The following RGS18 variants were observed in gnomAD, a reference collection of about 807,000 sequenced individuals.
The protein encoded by RGS18 is regulator of G protein signaling 18, also known as regulator of G-protein signaling 18.
A neutral mutation model predicts 27.6 loss-of-function variants in RGS18; 22 were observed. That is an observed-to-expected ratio of 0.80 (90% confidence interval 0.57 to 1.14). RGS18 has a LOEUF of 1.14. Among genes scored for constraint, RGS18 ranks in the 50% most tolerant of loss-of-function variants. RGS18 has a pLI of 0.00. For synonymous variants in RGS18, 89 were observed against 84.6 expected (o/e 1.05, Z -0.29); for missense variants, 299 against 269.6 (o/e 1.11, Z -0.76).
intron 3 of RGS18, chr1:192,168,491 C>T (rs1241292931): frequency 6.6e-6 from 1 of 152,170 alleles, no homozygotes; most frequent in Non-Finnish European, 1.5e-5. Context: ...ACAAGACTAA[C>T]CATAGTAACA....
At chr1:192,172,523 C>T (rs1050679233) in intron 3 of RGS18, among the ~76,000 whole-genome samples, 1 of 151,866 alleles carries the variant, frequency 6.6e-6, no homozygotes, top group Non-Finnish European at 1.5e-5. Context: ...AACTACCCAG[C>T]CTCAGGTATT....
chr1:192,177,615 A>C (rs1261407711), intron 3 of RGS18, among the ~76,000 whole-genome samples: 2 of 151,756 alleles, frequency 1.3e-5, no homozygotes, highest in African/African-American at 4.8e-5. Context: ...TATATGAAGG[A>C]CACCCAACTC....
At chr1:192,182,175 CA>C (rs1441795651) in intron 4 of RGS18, among the ~76,000 whole-genome samples, 2 of 150,564 alleles carry the variant, frequency 1.3e-5, no homozygotes, top group Non-Finnish European at 3.0e-5. Flanking sequence ...ATCTCTTTAA[CA>C]TGCTGATTTC....
At chr1:192,174,791 A>G (rs1352804684) in intron 3 of RGS18, among the ~76,000 whole-genome samples, 1 of 151,800 alleles carries the variant, frequency 6.6e-6, no homozygotes, top group Non-Finnish European at 1.5e-5. Flanking sequence ...CTTTTCATTT[A>G]ATGTGTCTCT....
intron 4 of RGS18, among the ~76,000 whole-genome samples, chr1:192,183,630 T>C (rs989963043): frequency 5.3e-5 from 8 of 151,584 alleles, no homozygotes; most frequent in African/African-American, 1.9e-4. Context: ...ATTAGGCCAT[T>C]CTTGCACTGC....
intron 3 of RGS18, among the ~76,000 whole-genome samples, chr1:192,178,243 G>A (rs913638065): frequency 6.6e-6 from 1 of 151,544 alleles, no homozygotes; most frequent in Admixed American, 6.6e-5. Flanking sequence ...ATGTATGCAG[G>A]GAAGGTTTTG....
In RGS18 at chr1:192,184,387, T is replaced by C. The variant is rs888790755; in HGVS notation, c.541T>C (p.Tyr181His). 3 of 1,611,796 alleles carry C rather than the reference T, an allele frequency of 1.9e-6. No homozygotes were observed. Among genetic ancestry groups the C allele is most frequent in the East Asian group, 4.5e-5 (2 of 44,796 alleles). ...TTTTGATGCTGCACAAAGCAGAGTG[T>C]ATCAGCTCATGGAACAAGACAGTTA... The part of the protein sequence containing the change: ...HSFDAAQSRV[Y>H]QLMEQDSYTR... The change falls in exon 5 of 5, where the codon TAT becomes CAT. Residue 181 changes from tyrosine (Y) to histidine (H), a missense_variant. Transcript: ENST00000367460.
intron 3 of RGS18, chr1:192,163,167 A>C (rs1656103072): frequency 6.6e-6 from 1 of 152,208 alleles, no homozygotes; most frequent in South Asian, 2.1e-4. Context: ...ATTAAATGAG[A>C]TGATGAATAA....
intron 3 of RGS18, among the ~76,000 whole-genome samples, chr1:192,174,625 C>T (rs1656325903): frequency 6.6e-6 from 1 of 151,734 alleles, no homozygotes; most frequent in Non-Finnish European, 1.5e-5. Flanking sequence ...TTGTTATGTA[C>T]TAGTAATAAT....
At chr1:192,176,317 T>A (rs1254729847) in intron 3 of RGS18, among the ~76,000 whole-genome samples, 3 of 151,818 alleles carry the variant, frequency 2.0e-5, no homozygotes, top group African/African-American at 4.8e-5. Flanking sequence ...TACATCATAA[T>A]GCCCAAACTC....
At chr1:192,163,965 A>T (rs906900319) in intron 3 of RGS18, among the ~76,000 whole-genome samples, 3 of 151,772 alleles carry the variant, frequency 2.0e-5, no homozygotes, top group Non-Finnish European at 4.4e-5. Context: ...ATTTCCTTTT[A>T]TAAAATTTTA....
At chr1:192,172,552 A>G (rs1656278857) in intron 3 of RGS18, among the ~76,000 whole-genome samples, 1 of 151,880 alleles carries the variant, frequency 6.6e-6, no homozygotes, top group Non-Finnish European at 1.5e-5. Flanking sequence ...GCAACACAAA[A>G]CAGACTAAGA....
In RGS18 at chr1:192,164,278, G is replaced by A. The variant is rs537646532; in HGVS notation, c.283+3839G>A. Among the ~76,000 whole-genome samples the A allele has an allele frequency of 1.1e-3, 163 of 152,120 alleles. 1 individual carries two copies. Among genetic ancestry groups the A allele is most frequent in the African/African-American group, 2.5e-3 (102 of 41,506 alleles). On this transcript the variant is annotated intron_variant, in intron 3 of 4. Transcript: ENST00000367460. ...CAAAGAATCAGTATAGGAATGGGGC[G>A]TTAAACAATATAATTTAGTTAGGGA... is the stretch of plus-strand genomic sequence containing the variant.
rs1410545332 is a variant in RGS18 at position 192,184,611 on chromosome 1, C to T, written c.*57C>T. Reference sequence around the variant, plus strand: ...ACTTATACATCTGCTTCTAACATATCGCATGTTTATGTTAAGATTTGGTCC... The same window carrying T: ...ACTTATACATCTGCTTCTAACATATTGCATGTTTATGTTAAGATTTGGTCC... On this transcript the variant is annotated 3_prime_UTR_variant, in exon 5 of 5. Coordinates refer to ENST00000367460, the MANE Select transcript of RGS18 (RefSeq NM_130782.3). 1.4e-5 allele frequency: 20 copies of T among 1,472,824 alleles called. No individual in the cohort carries two copies. Among genetic ancestry groups the T allele is most frequent in the South Asian group, 4.8e-5 (4 of 83,410 alleles). The allele number at this position is 1,472,824 out of a possible 1,614,324, so 91.2% of individuals were successfully genotyped here.
chr1:192,168,827 C>T (rs1446360455), intron 3 of RGS18: 1 of 152,112 alleles, frequency 6.6e-6, no homozygotes, highest in Non-Finnish European at 1.5e-5. Flanking sequence ...TGGGTTCAAG[C>T]ACTTACACTA....
At chr1:192,173,664 G>A (rs1656308964) in intron 3 of RGS18, among the ~76,000 whole-genome samples, 1 of 151,620 alleles carries the variant, frequency 6.6e-6, no homozygotes, top group Non-Finnish European at 1.5e-5. Flanking sequence ...GTGTCAGTTT[G>A]GGTATAGGTT....
At chr1:192,181,945 A>C (rs563491113) in intron 4 of RGS18, among the ~76,000 whole-genome samples, 1 of 151,630 alleles carries the variant, frequency 6.6e-6, no homozygotes, top group Admixed American at 6.6e-5. Flanking sequence ...CAGATCATGT[A>C]GTATTTATTT....
At position 192,182,763 on chromosome 1, in the gene RGS18, C is replaced by T. The variant is rs959600956; in HGVS notation, c.450+1305C>T. Among the ~76,000 whole-genome samples, 10 of 151,668 alleles carry T rather than the reference C, an allele frequency of 6.6e-5. No individual in the cohort carries two copies. In the East Asian group the frequency reaches 2.0e-3, roughly 30 times the overall value. On this transcript the variant is annotated intron_variant, in intron 4 of 4. Coordinates refer to ENST00000367460, the MANE Select transcript of RGS18 (RefSeq NM_130782.3). ...CACTTATTCATATTAATCACTTTCG[C>T]ACAAGCAACCTCTCATAGAAACTAA...
chr1:192,169,113 A>G (rs560801295), intron 3 of RGS18: 12 of 152,344 alleles, frequency 7.9e-5, no homozygotes, highest in Admixed American at 3.9e-4. Flanking sequence ...ATTTTAATAA[A>G]TAACAATTTC....
Sources: allele counts gnomAD v4.1 joint callset (sites outside exome capture counted in the v4.1 genomes callset), GRCh38; gene constraint gnomAD v4.1.1; transcripts MANE v1.5; gene names NCBI Gene and HGNC (gene_info 2026-07-23, HGNC 2026-07-21).